Variants in BBS9 observed in about 807,000 individuals in gnomAD.
BBS9 encodes protein PTHB1.
Under a neutral mutation model 117.7 loss-of-function variants are expected in BBS9, and 89 were observed. That is an observed-to-expected ratio of 0.76 (90% confidence interval 0.64 to 0.90). BBS9 has a LOEUF of 0.90. Ranked by LOEUF, BBS9 falls within the 40% of genes least tolerant of loss-of-function variation. BBS9 has a pLI of 0.00. For synonymous variants in BBS9, 379 were observed against 370.9 expected (o/e 1.02, Z -0.25); for missense variants, 982 against 1,042.2 (o/e 0.94, Z 0.80).
intron 21 of BBS9, among the ~76,000 whole-genome samples, chr7:33,567,706 C>G (rs1021169758): frequency 6.6e-6 from 1 of 152,146 alleles, no homozygotes; most frequent in Non-Finnish European, 1.5e-5. Context: ...TCCATACATC[C>G]AGTTGTTTAT....
intron 20 of BBS9, among the ~76,000 whole-genome samples, chr7:33,526,567 C>T (rs1477844032): frequency 1.3e-5 from 2 of 150,484 alleles, no homozygotes; most frequent in East Asian, 1.9e-4. Context: ...GCATTCTTCA[C>T]GTAGTTCTCG....
chr7:33,376,395 A>G (rs528475019), intron 17 of BBS9, among the ~76,000 whole-genome samples: 2 of 152,290 alleles, frequency 1.3e-5, no homozygotes, highest in East Asian at 3.9e-4. Flanking sequence ...ATTGCTGCAC[A>G]GTATTCTATG....
chr7:33,535,650 G>C (rs2129061583), intron 21 of BBS9, among the ~76,000 whole-genome samples: 1 of 152,216 alleles, frequency 6.6e-6, no homozygotes, highest in Non-Finnish European at 1.5e-5. Context: ...TTACAGGATT[G>C]TTTTCCTAAG....
At chr7:33,337,038 TG>T (rs1050293918) in intron 10 of BBS9, among the ~76,000 whole-genome samples, 5 of 152,204 alleles carry the variant, frequency 3.3e-5, no homozygotes, top group African/African-American at 9.6e-5. Flanking sequence ...GCTACCATTT[TG>T]CTACTAAAAA....
intron 19 of BBS9, among the ~76,000 whole-genome samples, chr7:33,396,116 T>TA (rs1278514280): frequency 2.0e-5 from 3 of 151,804 alleles, no homozygotes; most frequent in Non-Finnish European, 4.4e-5. Context: ...GAGATGTCAG[T>TA]AAAAAAAATG....
chr7:33,396,441 A>G (rs1563115472), intron 19 of BBS9, among the ~76,000 whole-genome samples: 1 of 152,210 alleles, frequency 6.6e-6, no homozygotes, highest in Admixed American at 6.5e-5. Flanking sequence ...TGTGTCTATA[A>G]TAGATACATT....
In BBS9 at chr7:33,256,237, C is replaced by T. The variant is rs552666869; in HGVS notation, c.443-999C>T. Among the ~76,000 whole-genome samples, 5 of 152,150 alleles carry T rather than the reference C, an allele frequency of 3.3e-5. No individual in the cohort carries two copies. The South Asian group carries it at 6.2e-4, about 19-fold the overall frequency. On this transcript the variant is annotated intron_variant, in intron 5 of 22. Transcript: ENST00000242067. ...AACAGTAACTGTAAAGCCTACCATA[C>T]GTTATAAAAGAATCTGAGTATTGAG... is the stretch of plus-strand genomic sequence containing the variant.
chr7:33,598,415 A>G lies in BBS9; in HGVS notation c.2522-6450A>G, dbSNP rs553893568. ...AAGAAGAGCCAAAGGAGACGTGACAATGAATGTTATGAAGTATTCTGGATA... is the reference window on the plus strand; with the variant it reads ...AAGAAGAGCCAAAGGAGACGTGACAGTGAATGTTATGAAGTATTCTGGATA... On this transcript the variant is annotated intron_variant, in intron 21 of 22. Transcript: ENST00000242067. Among the ~76,000 whole-genome samples, 13 of 152,294 alleles carry G rather than the reference A, an allele frequency of 8.5e-5. No individual in the cohort carries two copies. In the South Asian group the frequency reaches 2.5e-3, roughly 29 times the overall value.
At chr7:33,506,071 A>G (rs564513468) in intron 20 of BBS9, among the ~76,000 whole-genome samples, 2 of 152,344 alleles carry the variant, frequency 1.3e-5, no homozygotes, top group African/African-American at 4.8e-5. Flanking sequence ...TAGCCTTGCT[A>G]TAACTGATGT....
At chr7:33,474,568 T>C (rs1435682705) in intron 19 of BBS9, among the ~76,000 whole-genome samples, 1 of 152,230 alleles carries the variant, frequency 6.6e-6, no homozygotes, top group Non-Finnish European at 1.5e-5. Context: ...CTGCTGCAGT[T>C]CTAGTATCAC....
In BBS9 at chr7:33,540,341, G is replaced by A. The variant is rs371574010; in HGVS notation, c.2521+6165G>A. ...TCATAAATCACAGAAGGACATAAAG[G>A]TGGATACATTGATATGGAAGCAGGA... On this transcript the variant is annotated intron_variant, in intron 21 of 22. Transcript: ENST00000242067. 2.8e-4 allele frequency among the ~76,000 whole-genome samples: 43 copies of A among 152,238 alleles called. No individual in the cohort carries two copies. In the South Asian group the frequency reaches 5.0e-3, roughly 18 times the overall value.
chr7:33,198,261 C>CT (rs1424628987), intron 5 of BBS9, among the ~76,000 whole-genome samples: 1 of 151,900 alleles, frequency 6.6e-6, no homozygotes, highest in Non-Finnish European at 1.5e-5. Flanking sequence ...TTTTAGGAGA[C>CT]TGTGAACATA....
rs539335040 is a variant in BBS9 at position 33,565,191 on chromosome 7, C to T, written c.2521+31015C>T. Among the ~76,000 whole-genome samples the T allele has an allele frequency of 1.6e-4, 24 of 152,278 alleles. No homozygotes were observed. In the South Asian group the frequency reaches 4.6e-3, roughly 29 times the overall value. ...TCGATGCTCAGTAAATCTTCATTGT[C>T]TTCTGTCCTTCCTACAGTGTTTCAC... On this transcript the variant is annotated intron_variant, in intron 21 of 22. Transcript: ENST00000242067.
chr7:33,412,328 C>A (rs1320220963), intron 19 of BBS9, among the ~76,000 whole-genome samples: 1 of 152,192 alleles, frequency 6.6e-6, no homozygotes, highest in African/African-American at 2.4e-5. Context: ...TGCCACAGTG[C>A]TTAACATAGA....
chr7:33,152,796 C>G lies in BBS9; in HGVS notation c.208C>G (p.Leu70Val), dbSNP rs776811498. ...GDGAQAEDLL[L>V]EVDLRDPVLQ... ...TGGAGCTCAAGCCGAAGATTTGCTT[C>G]TAGAAGTGGATCTACGAGATCCAGT... Residue 70 changes from leucine to valine, a missense_variant, in exon 3 of 23, where the codon CTA becomes GTA. Physicochemically the swap from Leu to Val is conservative, Grantham distance 32. Coordinates refer to ENST00000242067, the MANE Select transcript of BBS9 (RefSeq NM_198428.3). The G allele has an allele frequency of 1.9e-6, 3 of 1,613,700 alleles. No homozygotes were observed. The highest frequency in any genetic ancestry group is 2.7e-5 in the African/African-American group (2 of 74,836).
Position 33,367,839 on chromosome 7 carries a change from C to G in BBS9, c.1766C>G (p.Thr589Ser), listed in dbSNP as rs759237200. The G allele has an allele frequency of 1.9e-6, 3 of 1,613,780 alleles. No individual in the cohort carries two copies. Among genetic ancestry groups the G allele is most frequent in the Non-Finnish European group, 2.5e-6 (3 of 1,179,804 alleles). ...CACTTCTTAGGAGGTGCTCGAATTA[C>G]TGTTCTTGCTTCCAAAACTTCTCGT... is the stretch of plus-strand genomic sequence containing the variant. ...GFHFLGGARI[T>S]VLASKTSQRY... is the part of the protein sequence containing the mutation. Residue 589 changes from threonine (T) to serine (S), a missense_variant, in exon 17 of 23, where the codon ACT becomes AGT. By Grantham distance (58) the Thr-to-Ser change is moderately conservative (BLOSUM62 1). Coordinates refer to ENST00000242067, the MANE Select transcript of BBS9 (RefSeq NM_198428.3).
intron 1 of BBS9, among the ~76,000 whole-genome samples, chr7:33,132,267 A>G (rs1178994138): frequency 6.6e-6 from 1 of 152,018 alleles, no homozygotes; most frequent in East Asian, 1.9e-4. Context: ...TCACTTAACT[A>G]GTGAGACCAC....
chr7:33,572,341 G>A (rs776165584), intron 21 of BBS9, among the ~76,000 whole-genome samples: 3 of 151,854 alleles, frequency 2.0e-5, no homozygotes, highest in Non-Finnish European at 2.9e-5. Flanking sequence ...TCATTCATTC[G>A]TTGATGGACA....
chr7:33,489,044 G>T (rs1227173307), intron 19 of BBS9, among the ~76,000 whole-genome samples: 1 of 144,238 alleles, frequency 6.9e-6, no homozygotes, highest in Non-Finnish European at 1.5e-5. Flanking sequence ...CCAGGCTGGA[G>T]TGCAATGGCA....
Sources: gnomAD v4.1 joint callset for allele counts (sites outside exome capture counted in the v4.1 genomes callset) on GRCh38, gnomAD v4.1.1 for gene constraint, MANE v1.5 for transcripts, NCBI Gene and HGNC (gene_info 2026-07-23, HGNC 2026-07-21) for gene names.